ACOX2: variants seen among roughly 807,000 people sequenced by gnomAD.
ACOX2 encodes acyl-CoA oxidase 2.
Under a neutral mutation model 77.5 loss-of-function variants are expected in ACOX2, and 59 were observed. The ratio of observed to expected loss-of-function variants is 0.76; its 90% CI spans 0.62 to 0.95. The LOEUF is 0.95. ACOX2 is among the 40% of genes least tolerant of loss of function. ACOX2 has a pLI of 0.00. For missense variants in ACOX2, 837 were observed against 880.4 expected, an observed-to-expected ratio of 0.95 and a Z score of 0.62; for synonymous variants, 317 against 340.1, an observed-to-expected ratio of 0.93 and a Z score of 0.75.
rs771292905 is a variant in ACOX2 at position 58,534,044 on chromosome 3, C to A, written c.425G>T (p.Cys142Phe). The change falls in exon 4 of 15, where the codon TGC (cysteine) becomes TTC (phenylalanine). Residue 142 changes from cysteine to phenylalanine, a missense_variant. Cys to Phe is a radical substitution (Grantham distance 205). Coordinates refer to ENST00000302819, the MANE Select transcript of ACOX2 (RefSeq NM_003500.4). This position sits in a 1 kb window ranked among gnomAD's most constrained non-coding sequence, Gnocchi z 4.8. The part of the protein sequence containing the change: ...EEQIAKWDPL[C>F]KNIQIIATYA... ...CGTTGCGATGATCTGGATGTTTTTG[C>A]AGAGTGGGTCCCATTTGGCAATCTG... is the stretch of plus-strand genomic sequence containing the variant. The A allele has an allele frequency of 6.2e-7, 1 of 1,614,178 alleles. No individual in the cohort carries two copies. Among genetic ancestry groups the A allele is most frequent in the African/African-American group, 1.3e-5 (1 of 75,044 alleles).
In ACOX2 at chr3:58,505,423, T is replaced by A. The variant is rs141661103; in HGVS notation, c.1984-137A>T. ...TAATTTTAAAAATTATTTCTAAGAC[T>A]CATTTTGTGTGAACATATGGAGAAA... is the stretch of plus-strand genomic sequence containing the variant. On this transcript the variant is annotated intron_variant, in intron 14 of 14. Transcript: ENST00000302819. The surrounding 1 kb of genome is among the most constrained non-coding windows in gnomAD (Gnocchi z 4.4). 3.7e-4 allele frequency: 255 copies of A among 685,644 alleles called. 4 individuals carry two copies. In the East Asian group the frequency reaches 7.2e-3, roughly 19 times the overall value. 42.5% of individuals were successfully genotyped at this position (685,644 alleles called of 1,614,324 possible).
At position 58,529,027 on chromosome 3, in the gene ACOX2, T is replaced by C. The variant is rs535234693; in HGVS notation, c.993-71A>G. On this transcript the variant is annotated intron_variant, in intron 8 of 14. Coordinates refer to ENST00000302819, the MANE Select transcript of ACOX2 (RefSeq NM_003500.4). ...CCACCTTCCCCTATCCCCGACACCATAAAAACCTTAAAAACAGACAGTTCC... is the reference window on the plus strand; with the variant it reads ...CCACCTTCCCCTATCCCCGACACCACAAAAACCTTAAAAACAGACAGTTCC... The C allele has an allele frequency of 1.8e-5, 26 of 1,425,742 alleles. No individual in the cohort carries two copies. The South Asian group carries it at 3.5e-4, about 19-fold the overall frequency. 88.3% of individuals were successfully genotyped at this position (1,425,742 alleles called of 1,614,324 possible). A position where few individuals can be genotyped will look rare whatever the true frequency, so the allele number is the denominator to read the frequency against.
chr3:58,527,396 C>T (rs1000763139), intron 9 of ACOX2, among the ~76,000 whole-genome samples: 7 of 151,914 alleles, frequency 4.6e-5, no homozygotes, highest in South Asian at 2.1e-4. Context: ...ATTAGCTGGG[C>T]GTGGTGGCGT....
chr3:58,533,750 G>A lies in ACOX2; in HGVS notation c.476-198C>T. The A allele has an allele frequency of 1.5e-6, 1 of 668,360 alleles. No homozygotes were observed. The allele number at this position is 668,360 out of a possible 1,614,324, so 41.4% of individuals were successfully genotyped here. ...ACACAGTCCCCTATAGCCAGTCCAT[G>A]AGAAGGGGTGGCTGCTGATGTTTCC... On this transcript the variant is annotated intron_variant, in intron 4 of 14. Transcript: ENST00000302819. The surrounding 1 kb of genome is among the most constrained non-coding windows in gnomAD (Gnocchi z 5.6).
In ACOX2 at chr3:58,515,897, C is replaced by G. The variant is rs1026041165; in HGVS notation, c.1850+1309G>C. Among the ~76,000 whole-genome samples, 8 of 151,976 alleles carry G rather than the reference C, an allele frequency of 5.3e-5. No individual in the cohort carries two copies. Among genetic ancestry groups the G allele is most frequent in the Admixed American group, 3.3e-4 (5 of 15,256 alleles). On this transcript the variant is annotated intron_variant, in intron 13 of 14. Transcript: ENST00000302819. This position sits in a 1 kb window ranked among gnomAD's most constrained non-coding sequence, Gnocchi z 4.0. ...GGATCAATCAATCCTCCTACCTCAG[C>G]CTCCCGAGTAGCTGAGACTACAGGT...
In ACOX2 at chr3:58,528,702, A is replaced by T; in HGVS notation, c.1155+92T>A. 2 of 1,426,402 alleles carry T rather than the reference A, an allele frequency of 1.4e-6. No individual in the cohort carries two copies. Among genetic ancestry groups the T allele is most frequent in the Middle Eastern group, 2.6e-4 (1 of 3,802 alleles). The allele number at this position is 1,426,402 out of a possible 1,614,324, so 88.4% of individuals were successfully genotyped here. On this transcript the variant is annotated intron_variant, in intron 9 of 14. Transcript: ENST00000302819. This position sits in a 1 kb window ranked among gnomAD's most constrained non-coding sequence, Gnocchi z 5.6. Reference sequence around the variant, plus strand: ...GGAGAGGTGGGGGTGGGGAGTGCCCATGGGGATGGGGCTGTGGCTGCTCCC... The same window carrying T: ...GGAGAGGTGGGGGTGGGGAGTGCCCTTGGGGATGGGGCTGTGGCTGCTCCC...
At position 58,526,760 on chromosome 3, in the gene ACOX2, C is replaced by T; in HGVS notation, c.1156-104G>A. 1 of 1,281,346 alleles carries T rather than the reference C, an allele frequency of 7.8e-7. No homozygotes were observed. The highest frequency in any genetic ancestry group is 1.1e-6 in the Non-Finnish European group (1 of 928,560). The allele number at this position is 1,281,346 out of a possible 1,614,324, so 79.4% of individuals were successfully genotyped here. ...GCATCTACTCATGCCCAGCTCAGCT[C>T]TGAGGTAAGAAGTGTTTCCTCTGCT... On this transcript the variant is annotated intron_variant, in intron 9 of 14. Transcript: ENST00000302819. The surrounding 1 kb of genome is among the most constrained non-coding windows in gnomAD (Gnocchi z 4.3).
intron 1 of ACOX2, among the ~76,000 whole-genome samples, chr3:58,536,083 G>A (rs2063479129): frequency 6.6e-6 from 1 of 151,960 alleles, no homozygotes; most frequent in Non-Finnish European, 1.5e-5. Context: ...TGGAGTCCTT[G>A]CTGTGTCTAC....
chr3:58,518,854 G>T (rs1409639766), intron 12 of ACOX2, among the ~76,000 whole-genome samples: 1 of 149,958 alleles, frequency 6.7e-6, no homozygotes. Context: ...TGCCTACACT[G>T]GTCTCGAACT....
chr3:58,527,858 A>C (rs1226733651), intron 9 of ACOX2, among the ~76,000 whole-genome samples: 1 of 99,904 alleles, frequency 1.0e-5, no homozygotes, highest in African/African-American at 3.7e-5. Flanking sequence ...ACACCTGACT[A>C]ATTTTTCATT....
intron 7 of ACOX2, among the ~76,000 whole-genome samples, 192 bp from the exon 8 acceptor site, chr3:58,530,830 G>A (rs947328079): frequency 5.9e-5 from 9 of 152,172 alleles, no homozygotes; most frequent in East Asian, 1.9e-4. Flanking sequence ...GGGACACCCC[G>A]GACCTCCCCA....
chr3:58,528,970 A>T lies in ACOX2; in HGVS notation c.993-14T>A. ...GCCTCTGGGTCACTGAAGGGAAAAG[A>T]ACCAGAAGATTTAGATCACTACCTG... On this transcript the variant is annotated splice_polypyrimidine_tract_variant and intron_variant, in intron 8 of 14. Transcript: ENST00000302819. This position sits in a 1 kb window ranked among gnomAD's most constrained non-coding sequence, Gnocchi z 5.6. 1 of 1,602,374 alleles carries T rather than the reference A, an allele frequency of 6.2e-7. No homozygotes were observed. Among genetic ancestry groups the T allele is most frequent in the Non-Finnish European group, 8.5e-7 (1 of 1,173,906 alleles).
chr3:58,511,205 T>C (rs1354785624), intron 13 of ACOX2: 1 of 317,596 alleles, frequency 3.1e-6, no homozygotes, highest in Admixed American at 4.6e-5. Flanking sequence ...GAGAACAACA[T>C]TCTCCTGCCT....
chr3:58,516,611 G>T (rs2063323420), intron 13 of ACOX2, among the ~76,000 whole-genome samples: 2 of 152,226 alleles, frequency 1.3e-5, no homozygotes. Flanking sequence ...GCCAAGGCAG[G>T]TGGATCACTT....
chr3:58,528,841 G>T lies in ACOX2; in HGVS notation c.1108C>A (p.His370Asn). The T allele has an allele frequency of 1.2e-6, 2 of 1,613,688 alleles. No individual in the cohort carries two copies. The highest frequency in any genetic ancestry group is 1.7e-6 in the Non-Finnish European group (2 of 1,179,802). ...TGGTTCAGAATGGCAGTGTAGGAGT[G>T]CTGGAAGAACTCCAAGAGGCTGACT... ...LAVSLLEFFQ[H>N]SYTAILNQDF... is the part of the protein sequence containing the mutation. Residue 370 changes from histidine (H) to asparagine (N), a missense_variant, in exon 9 of 15, where the codon CAC becomes AAC. Physicochemically the swap from His to Asn is moderately conservative, Grantham distance 68. Transcript: ENST00000302819. The surrounding 1 kb of genome is among the most constrained non-coding windows in gnomAD (Gnocchi z 5.6).
chr3:58,537,034 C>T (rs2063486823), intron 1 of ACOX2, 85 bp downstream of exon 1: 1 of 152,442 alleles, frequency 6.6e-6, no homozygotes, highest in South Asian at 2.1e-4. Flanking sequence ...CTCAGGGTCT[C>T]TCGGAGCTGC....
rs1325884723 is a variant in ACOX2, at chr3:58,522,302, A to G, written c.1632+194T>C. ...CTGCCTCATTACCTTTTCCCCTAAG[A>G]GCTGCCAGCAAGATTGCTTTGGAGT... On this transcript the variant is annotated intron_variant, in intron 12 of 14. Coordinates refer to ENST00000302819, the MANE Select transcript of ACOX2 (RefSeq NM_003500.4). This position sits in a 1 kb window ranked among gnomAD's most constrained non-coding sequence, Gnocchi z 4.3. 6.6e-6 allele frequency among the ~76,000 whole-genome samples: 1 copy of G among 152,232 alleles called. No individual in the cohort carries two copies. Among genetic ancestry groups the G allele is most frequent in the Non-Finnish European group, 1.5e-5 (1 of 68,030 alleles).
In ACOX2 at chr3:58,531,917, G is replaced by T. The variant is rs531831694; in HGVS notation, c.584-105C>A. 9.8e-6 allele frequency: 14 copies of T among 1,422,384 alleles called. No individual in the cohort carries two copies. The East Asian group carries it at 3.3e-4, about 33-fold the overall frequency. The allele number at this position is 1,422,384 out of a possible 1,614,324, so 88.1% of individuals were successfully genotyped here. A position where few individuals can be genotyped will look rare whatever the true frequency, so the allele number is the denominator to read the frequency against. On this transcript the variant is annotated intron_variant, in intron 5 of 14. Transcript: ENST00000302819. The surrounding 1 kb of genome is among the most constrained non-coding windows in gnomAD (Gnocchi z 5.8). ...GGGGTTTTGGATGGGTACCTCTGGGGCCCTGAAAAGTCACTGATCAAAGAG... is the reference window on the plus strand; with the variant it reads ...GGGGTTTTGGATGGGTACCTCTGGGTCCCTGAAAAGTCACTGATCAAAGAG...
At chr3:58,517,467 A>T in intron 12 of ACOX2, 44 bp from the exon 13 acceptor site, 2 of 1,581,456 alleles carry the variant, frequency 1.3e-6, no homozygotes, top group Non-Finnish European at 1.7e-6. Context: ...CTGGTTTTCT[A>T]CTCCAGAAGT....
Sources: allele counts gnomAD v4.1 joint callset (sites outside exome capture counted in the v4.1 genomes callset), GRCh38; gene constraint gnomAD v4.1.1; non-coding constraint Gnocchi (gnomAD v3.1); transcripts MANE v1.5; gene names NCBI Gene and HGNC (gene_info 2026-07-23, HGNC 2026-07-21).